The following PDE4D variants were observed in gnomAD, a reference collection of about 807,000 sequenced individuals.
PDE4D encodes the protein 3',5'-cyclic-AMP phosphodiesterase 4D.
PDE4D carries 24 observed loss-of-function variants against 87.4 expected under a neutral mutation model. That is an observed-to-expected ratio of 0.27 (90% CI 0.20 to 0.39). The LOEUF (loss-of-function observed/expected upper bound fraction) is 0.39, where lower values mean the gene tolerates loss of function less well. Among genes scored for constraint, PDE4D ranks in the 10% least tolerant of loss-of-function variants. The pLI, the probability that PDE4D is intolerant of heterozygous loss-of-function variation, is 1.00. For synonymous variants in PDE4D, 384 were observed against 383.2 expected, an observed-to-expected ratio of 1.00 and a Z score of -0.02; for missense variants, 714 against 1,041.0, an observed-to-expected ratio of 0.69 and a Z score of 4.32.
intron 2 of PDE4D, among the ~76,000 whole-genome samples, chr5:60,045,359 T>C (rs1769088315): frequency 1.3e-5 from 2 of 152,172 alleles, no homozygotes; most frequent in South Asian, 4.1e-4. Flanking sequence ...AGAAGCTCTT[T>C]AGTTTAATTA....
chr5:59,394,738 C>T (rs1010956442), intron 1 of PDE4D, among the ~76,000 whole-genome samples: 5 of 152,188 alleles, frequency 3.3e-5, no homozygotes, highest in South Asian at 2.1e-4. Context: ...CCAAGATGGC[C>T]GAATAGGAAC....
intron 2 of PDE4D, among the ~76,000 whole-genome samples, chr5:60,022,976 C>T (rs1195015522): frequency 2.6e-5 from 4 of 152,236 alleles, no homozygotes; most frequent in Non-Finnish European, 4.4e-5. Flanking sequence ...AGCCTCAGCT[C>T]GACCTGTCAC....
At chr5:59,993,684 G>C (rs1290331558) in intron 2 of PDE4D, among the ~76,000 whole-genome samples, 2 of 152,032 alleles carry the variant, frequency 1.3e-5, no homozygotes, top group Non-Finnish European at 2.9e-5. Context: ...ATGAGCTTCT[G>C]TATTCCCTAT....
chr5:59,222,563 G>C (rs1752786046), intron 1 of PDE4D, among the ~76,000 whole-genome samples: 1 of 152,172 alleles, frequency 6.6e-6, no homozygotes, highest in Non-Finnish European at 1.5e-5. Flanking sequence ...GCCACTCACA[G>C]GGAAGATCTT....
chr5:60,493,130 T>C (rs777035587), intron 1 of PDE4D, among the ~76,000 whole-genome samples: 1 of 152,202 alleles, frequency 6.6e-6, no homozygotes, highest in African/African-American at 2.4e-5. Context: ...TGTATTTTGC[T>C]GTGTCATGCA....
chr5:60,147,220 C>A (rs1781090424), intron 2 of PDE4D, among the ~76,000 whole-genome samples: 1 of 152,114 alleles, frequency 6.6e-6, no homozygotes, highest in South Asian at 2.1e-4. Context: ...AGAAGAAATA[C>A]AAGAAAGGTT....
At chr5:60,399,950 A>G (rs1353783963) in intron 1 of PDE4D, among the ~76,000 whole-genome samples, 2 of 152,234 alleles carry the variant, frequency 1.3e-5, no homozygotes, top group Non-Finnish European at 2.9e-5. Flanking sequence ...CTTGCCTTGA[A>G]GATCTCAAGT....
In PDE4D at chr5:59,604,767, A is replaced by T. The variant is rs143650678; in HGVS notation, c.455+288401T>A. Among the ~76,000 whole-genome samples, 56 of 152,168 alleles carry T rather than the reference A, an allele frequency of 3.7e-4. No individual in the cohort carries two copies. The East Asian group carries it at 7.5e-3, about 20-fold the overall frequency. ...TTTTTTTAAAAGACTAAAAATATGC[A>T]GATTGTGAGGGGGTGGGAAACAGTA... On this transcript the variant is annotated intron_variant, in intron 1 of 14. Coordinates refer to ENST00000340635, the MANE Select transcript of PDE4D (RefSeq NM_001104631.2).
chr5:59,074,021 CTTA>C (rs1050936310), intron 5 of PDE4D, among the ~76,000 whole-genome samples: 1 of 152,132 alleles, frequency 6.6e-6, no homozygotes, highest in South Asian at 2.1e-4. Context: ...TCACTACCTT[CTTA>C]TTATATAATT....
chr5:60,132,194 T>C (rs1779649108), intron 2 of PDE4D, among the ~76,000 whole-genome samples: 1 of 152,206 alleles, frequency 6.6e-6, no homozygotes, highest in African/African-American at 2.4e-5. Context: ...CTATTGCATG[T>C]AGGCTATATA....
rs145705064 is a variant in PDE4D at position 60,381,221 on chromosome 5, G to A, written c.-90+106721C>T. On this transcript the variant is annotated intron_variant, in intron 1 of 16. Coordinates refer to the PDE4D transcript ENST00000502484. ...TGAGTAGCTGAGGTAAGTCATACAG[G>A]TGCTGCATGACTATGTGGCTGGCCT... 2.4e-4 allele frequency among the ~76,000 whole-genome samples: 36 copies of A among 152,278 alleles called. 1 individual carries two copies. In the East Asian group the frequency reaches 6.9e-3, roughly 29 times the overall value.
chr5:59,128,710 A>G (rs1580954752), intron 5 of PDE4D, among the ~76,000 whole-genome samples: 1 of 152,244 alleles, frequency 6.6e-6, no homozygotes, highest in Admixed American at 6.5e-5. Context: ...CAACCAAATA[A>G]TGTTTGTTTC....
chr5:59,389,775 T>C (rs1453937626), intron 1 of PDE4D, among the ~76,000 whole-genome samples: 4 of 152,108 alleles, frequency 2.6e-5, no homozygotes. Context: ...TGGCATGTTG[T>C]CACTCATATG....
intron 6 of PDE4D, among the ~76,000 whole-genome samples, chr5:59,007,040 A>G (rs779708063): frequency 2.0e-5 from 3 of 152,206 alleles, no homozygotes; most frequent in Non-Finnish European, 4.4e-5. Flanking sequence ...TTTTATATTT[A>G]GCCTAGAGCC....
chr5:59,479,246 T>C (rs1803827959), intron 1 of PDE4D, among the ~76,000 whole-genome samples: 1 of 151,984 alleles, frequency 6.6e-6, no homozygotes, highest in African/African-American at 2.4e-5. Context: ...GACTTTTGCA[T>C]ACTTTACAAT....
chr5:59,417,767 A>C (rs958780411), intron 1 of PDE4D, among the ~76,000 whole-genome samples: 1 of 152,194 alleles, frequency 6.6e-6, no homozygotes, highest in Non-Finnish European at 1.5e-5. Flanking sequence ...GATTTCTGGC[A>C]ATTGTACCAC....
intron 1 of PDE4D, among the ~76,000 whole-genome samples, chr5:60,309,856 C>T (rs1456843135): frequency 6.6e-6 from 1 of 152,110 alleles, no homozygotes; most frequent in Non-Finnish European, 1.5e-5. Flanking sequence ...AATTATTAAG[C>T]ATAAGACCTA....
intron 1 of PDE4D, among the ~76,000 whole-genome samples, chr5:60,342,584 G>T (rs1420802819): frequency 6.6e-6 from 1 of 152,052 alleles, no homozygotes; most frequent in African/African-American, 2.4e-5. Flanking sequence ...TTACTTAGTT[G>T]GGATCTGGTC....
At chr5:59,890,842 T>G (rs140297263) in intron 1 of PDE4D, among the ~76,000 whole-genome samples, 45 of 152,360 alleles carry the variant, frequency 3.0e-4, no homozygotes, top group African/African-American at 1.1e-3. Context: ...AATAAGTTAA[T>G]AAATGTAAAA....
Sources: allele counts gnomAD v4.1 joint callset (sites outside exome capture counted in the v4.1 genomes callset), GRCh38; gene constraint gnomAD v4.1.1; transcripts MANE v1.5; gene names NCBI Gene and HGNC (gene_info 2026-07-23, HGNC 2026-07-21).